The following LRRC4C variants were observed in gnomAD, a reference collection of about 807,000 sequenced individuals.
LRRC4C encodes leucine rich repeat containing 4C.
A neutral mutation model predicts 33.6 loss-of-function variants in LRRC4C; 5 were observed. That is an observed-to-expected ratio of 0.15 (90% CI 0.08 to 0.31). The LOEUF is 0.31. LRRC4C is among the 10% of genes least tolerant of loss of function. The pLI is 1.00. For missense variants in LRRC4C, 560 were observed against 796.7 expected (o/e 0.70, Z 3.58); for synonymous variants, 329 against 302.0 (o/e 1.09, Z -0.93).
At position 41,402,314 on chromosome 11, in the gene LRRC4C, C is replaced by G. The variant is rs191129482; in HGVS notation, c.-496+57117G>C. ...CCATCAAATAGTAACCAATCCTTCACCAACTAATGGGAAGTCTTTAGAAAA... is the reference window on the plus strand; with the variant it reads ...CCATCAAATAGTAACCAATCCTTCAGCAACTAATGGGAAGTCTTTAGAAAA... On this transcript the variant is annotated intron_variant, in intron 1 of 6. Transcript: ENST00000528697. Among the ~76,000 whole-genome samples, 909 of 152,066 alleles carry G rather than the reference C, an allele frequency of 6.0e-3. 8 individuals carry two copies. Among genetic ancestry groups the G allele is most frequent in the African/African-American group, 0.021 (877 of 41,526 alleles).
chr11:40,923,585 A>G (rs1284011829), intron 2 of LRRC4C, among the ~76,000 whole-genome samples: 1 of 152,246 alleles, frequency 6.6e-6, no homozygotes, highest in African/African-American at 2.4e-5. Flanking sequence ...GTAAAATGAC[A>G]TAGAACAGAG....
chr11:41,115,925 C>T (rs901792185), intron 1 of LRRC4C, among the ~76,000 whole-genome samples: 11 of 152,032 alleles, frequency 7.2e-5, no homozygotes, highest in African/African-American at 1.2e-4. Context: ...TTTGGTCTGA[C>T]CCCTTTTATG....
intron 1 of LRRC4C, among the ~76,000 whole-genome samples, chr11:41,231,678 T>C (rs893841426): frequency 1.3e-5 from 2 of 151,734 alleles, no homozygotes; most frequent in African/African-American, 2.4e-5. Flanking sequence ...GACGCGTTAA[T>C]GGGTGCAGCA....
At chr11:40,403,695 C>T (rs1949850090) in intron 3 of LRRC4C, among the ~76,000 whole-genome samples, 1 of 152,022 alleles carries the variant, frequency 6.6e-6, no homozygotes, top group Non-Finnish European at 1.5e-5. Flanking sequence ...ACAGTCTGAG[C>T]TTCAAAATGG....
At chr11:40,494,642 C>T (rs947487081) in intron 3 of LRRC4C, among the ~76,000 whole-genome samples, 1 of 151,948 alleles carries the variant, frequency 6.6e-6, no homozygotes, top group Non-Finnish European at 1.5e-5. Flanking sequence ...CACATATAGA[C>T]ATAATAAGTG....
intron 3 of LRRC4C, among the ~76,000 whole-genome samples, chr11:40,383,920 A>AATTATTATT (rs143241296): frequency 0.03 from 4,125 of 135,322 alleles, 99 homozygotes; most frequent in East Asian, 0.13. Context: ...TTTTAATTCA[A>AATTATTATT]ATTATTATTA....
At chr11:40,585,333 T>C (rs1258138653) in intron 3 of LRRC4C, among the ~76,000 whole-genome samples, 1 of 152,024 alleles carries the variant, frequency 6.6e-6, no homozygotes, top group East Asian at 1.9e-4. Flanking sequence ...CACCATTGCT[T>C]GAGAGGGAAC....
chr11:40,992,071 T>C (rs1300914041), intron 1 of LRRC4C, among the ~76,000 whole-genome samples: 1 of 152,222 alleles, frequency 6.6e-6, no homozygotes, highest in African/African-American at 2.4e-5. Flanking sequence ...CATCCACTTG[T>C]TCAGTTTTCA....
At chr11:41,421,781 A>G (rs1467314224) in intron 1 of LRRC4C, among the ~76,000 whole-genome samples, 1 of 151,998 alleles carries the variant, frequency 6.6e-6, no homozygotes, top group Non-Finnish European at 1.5e-5. Context: ...GGGGAGAATT[A>G]ATTATGAATG....
At chr11:40,821,153 T>A (rs1951911716) in intron 2 of LRRC4C, among the ~76,000 whole-genome samples, 1 of 151,602 alleles carries the variant, frequency 6.6e-6, no homozygotes, top group Non-Finnish European at 1.5e-5. Flanking sequence ...AATTAGAGAT[T>A]TATATAAATG....
At chr11:40,245,547 C>G (rs1866261848) in intron 4 of LRRC4C, among the ~76,000 whole-genome samples, 1 of 152,124 alleles carries the variant, frequency 6.6e-6, no homozygotes, top group South Asian at 2.1e-4. Flanking sequence ...ATACGATCCT[C>G]AAATCCTAGG....
intron 2 of LRRC4C, among the ~76,000 whole-genome samples, chr11:40,894,292 G>A (rs1592017262): frequency 6.6e-6 from 1 of 152,072 alleles, no homozygotes; most frequent in Non-Finnish European, 1.5e-5. Flanking sequence ...CCTCAAATCA[G>A]TATCTAATTA....
intron 2 of LRRC4C, among the ~76,000 whole-genome samples, chr11:40,840,538 A>G (rs1952865448): frequency 6.6e-6 from 1 of 152,192 alleles, no homozygotes. Flanking sequence ...AAAAATTGCA[A>G]AGAACATGGA....
At chr11:40,412,867 A>T (rs1233782691) in intron 3 of LRRC4C, among the ~76,000 whole-genome samples, 1 of 152,142 alleles carries the variant, frequency 6.6e-6, no homozygotes, top group Admixed American at 6.6e-5. Context: ...AGACTAGACT[A>T]TATAAAATAA....
intron 2 of LRRC4C, among the ~76,000 whole-genome samples, chr11:40,697,812 G>T (rs2136458474): frequency 6.6e-6 from 1 of 152,230 alleles, no homozygotes; most frequent in Admixed American, 6.5e-5. Context: ...GCTCACACCT[G>T]TAATCCCAGC....
chr11:41,185,632 A>C (rs899820161), intron 1 of LRRC4C, among the ~76,000 whole-genome samples: 1 of 152,198 alleles, frequency 6.6e-6, no homozygotes, highest in Non-Finnish European at 1.5e-5. Context: ...TAGGAAGGCC[A>C]CTGTAAAGGT....
intron 1 of LRRC4C, among the ~76,000 whole-genome samples, chr11:41,090,015 C>A (rs1468175598): frequency 3.3e-5 from 5 of 150,576 alleles, no homozygotes; most frequent in Non-Finnish European, 5.9e-5. Flanking sequence ...TATTGATATT[C>A]AAAAAAAAAT....
At chr11:41,006,737 G>C (rs916521584) in intron 1 of LRRC4C, among the ~76,000 whole-genome samples, 1 of 152,024 alleles carries the variant, frequency 6.6e-6, no homozygotes, top group African/African-American at 2.4e-5. Context: ...ACTAGAGAAA[G>C]AAAAAGCTTC....
At chr11:40,239,434 T>C (rs1470813) in intron 5 of LRRC4C, among the ~76,000 whole-genome samples, 113,107 of 152,070 alleles carry the variant, frequency 0.74, 46,122 homozygotes, top group East Asian at 0.95. Context: ...GGGGGAAATC[T>C]CACATGGCTT....
Sources: allele counts gnomAD v4.1 joint callset (sites outside exome capture counted in the v4.1 genomes callset), GRCh38; gene constraint gnomAD v4.1.1; transcripts MANE v1.5; gene names NCBI Gene and HGNC (gene_info 2026-07-23, HGNC 2026-07-21).